MALRD1: variants seen among roughly 807,000 people sequenced by gnomAD.
The protein encoded by MALRD1 is MAM and LDL-receptor class A domain-containing protein 1.
In MALRD1, 247 loss-of-function variants were observed where a neutral mutation model predicts 242.1. The observed-to-expected ratio is 1.02, with a 90% confidence interval of 0.92 to 1.13. MALRD1 has a LOEUF of 1.13. MALRD1 is among the 50% of genes most tolerant of loss of function. The pLI, the probability that MALRD1 is intolerant of heterozygous loss-of-function variation, is 0.00. For synonymous variants in MALRD1, 995 were observed against 866.6 expected (o/e 1.15, Z -2.60); for missense variants, 2,989 against 2,533.1 (o/e 1.18, Z -3.86).
intron 21 of MALRD1, among the ~76,000 whole-genome samples, chr10:19,317,680 G>A (rs749425467): frequency 6.6e-6 from 1 of 151,918 alleles, no homozygotes; most frequent in Non-Finnish European, 1.5e-5. Context: ...TCAAGAATGG[G>A]TATTTTTTCC....
At chr10:19,096,825 T>C (rs896014460) in intron 4 of MALRD1, among the ~76,000 whole-genome samples, 8 of 152,296 alleles carry the variant, frequency 5.3e-5, no homozygotes, top group Non-Finnish European at 1.0e-4. Flanking sequence ...AAATAGGCGA[T>C]TTCGGTCCCA....
intron 29 of MALRD1, among the ~76,000 whole-genome samples, chr10:19,481,787 A>G (rs3852459): frequency 0.86 from 130,896 of 152,046 alleles, 56,503 homozygotes; most frequent in East Asian, 1. Flanking sequence ...ACCAGCTAGC[A>G]TGGTAGGTAA....
At chr10:19,101,647 C>T (rs1836261520) in intron 4 of MALRD1, among the ~76,000 whole-genome samples, 1 of 132,078 alleles carries the variant, frequency 7.6e-6, no homozygotes, top group Non-Finnish European at 1.5e-5. Flanking sequence ...ATATACAATA[C>T]ATATACTATA....
At chr10:19,373,269 A>AC (rs2130756425) in intron 26 of MALRD1, among the ~76,000 whole-genome samples, 1 of 48,408 alleles carries the variant, frequency 2.1e-5, no homozygotes, top group East Asian at 4.0e-4. Context: ...GCACTTTGGG[A>AC]GGGCGGACGG....
At chr10:19,156,944 C>G (rs149780969) in intron 12 of MALRD1, among the ~76,000 whole-genome samples, 2 of 152,062 alleles carry the variant, frequency 1.3e-5, no homozygotes, top group African/African-American at 4.8e-5. Flanking sequence ...ACCAAGGCTT[C>G]GATCTCTAAA....
At chr10:19,444,330 T>C (rs1403893195) in intron 28 of MALRD1, among the ~76,000 whole-genome samples, 3 of 152,196 alleles carry the variant, frequency 2.0e-5, no homozygotes, top group African/African-American at 4.8e-5. Context: ...TATTGTTATG[T>C]GTGAATTTGA....
intron 19 of MALRD1, among the ~76,000 whole-genome samples, chr10:19,270,807 AACACACAC>A (rs71387059): frequency 1.2e-3 from 169 of 145,136 alleles, no homozygotes; most frequent in African/African-American, 3.6e-3. Flanking sequence ...TTCAAAGGAT[AACACACAC>A]ACACACACAC....
intron 28 of MALRD1, among the ~76,000 whole-genome samples, chr10:19,410,552 T>C (rs1302138178): frequency 6.6e-6 from 1 of 152,172 alleles, no homozygotes; most frequent in Admixed American, 6.5e-5. Flanking sequence ...GTGTGAACAT[T>C]GTGCACTTCA....
chr10:19,729,497 A>G (rs1008152034), intron 38 of MALRD1, among the ~76,000 whole-genome samples: 2 of 150,928 alleles, frequency 1.3e-5, no homozygotes, highest in African/African-American at 4.9e-5. Context: ...TTGGTCTTCC[A>G]TTCTCCATTG....
chr10:19,101,699 A>T (rs1279711079), intron 4 of MALRD1, among the ~76,000 whole-genome samples: 4 of 135,670 alleles, frequency 2.9e-5, no homozygotes, highest in Non-Finnish European at 4.6e-5. Context: ...TTATACATAT[A>T]TGTATATATA....
intron 35 of MALRD1, among the ~76,000 whole-genome samples, chr10:19,614,046 A>T (rs1208000468): frequency 6.6e-6 from 1 of 151,696 alleles, no homozygotes; most frequent in Non-Finnish European, 1.5e-5. Context: ...TTTTTTTTTC[A>T]TCTGGAAGGA....
chr10:19,193,834 GAA>G (rs56944309), intron 14 of MALRD1, among the ~76,000 whole-genome samples: 49 of 134,904 alleles, frequency 3.6e-4, no homozygotes, highest in Middle Eastern at 3.9e-3. Flanking sequence ...TAGTCTGGGG[GAA>G]AAAAAATATA....
chr10:19,699,958 T>C (rs1833548886), intron 38 of MALRD1, among the ~76,000 whole-genome samples: 1 of 150,512 alleles, frequency 6.6e-6, no homozygotes, highest in African/African-American at 2.5e-5. Flanking sequence ...ACCAAACTAT[T>C]AATATATCAT....
Position 19,387,581 on chromosome 10 carries a change from G to T in MALRD1, c.4495G>T (p.Glu1499Ter), listed in dbSNP as rs1035086389. The change falls in exon 27 of 40, where the codon GAA (glutamate) becomes TAA (stop). Residue 1499 changes from glutamate to a stop codon, truncating the protein, a stop_gained. Coordinates refer to ENST00000454679, the MANE Select transcript of MALRD1 (RefSeq NM_001142308.3). LOFTEE classifies it high-confidence loss of function. ...TCATAATGGAAAATGCTATAGGCTG[G>T]AACAAAGCTGTAACTTCGTAGATAA... ...ECHNGKCYRL[E>*]QSCNFVDNCG... 5 of 1,550,396 alleles carry T rather than the reference G, an allele frequency of 3.2e-6. No homozygotes were observed. The Admixed American group carries it at 7.8e-5, about 24-fold the overall frequency.
In MALRD1 at chr10:19,563,404, C is replaced by T. The variant is rs544836856; in HGVS notation, c.5479-4098C>T. Among the ~76,000 whole-genome samples the T allele has an allele frequency of 2.8e-4, 43 of 152,268 alleles. No homozygotes were observed. In the South Asian group the frequency reaches 7.0e-3, roughly 25 times the overall value. On this transcript the variant is annotated intron_variant, in intron 32 of 39. Transcript: ENST00000454679. ...TCAAACTAACCCATAGGCAACTATG[C>T]ACTTCTAATGATTAAGCAGTAACTC...
At position 19,169,192 on chromosome 10, in the gene MALRD1, G is replaced by A. The variant is rs185046217; in HGVS notation, c.1830+3382G>A. On this transcript the variant is annotated intron_variant, in intron 13 of 39. Transcript: ENST00000454679. The stretch of plus-strand genomic sequence containing the variant: ...TGCCCCCAATCTCCCAGAGGGTGTC[G>A]TGTAATAAACACTCTCGGTGTTATG... Among the ~76,000 whole-genome samples the A allele has an allele frequency of 8.8e-4, 134 of 152,116 alleles. 1 individual carries two copies. The highest frequency in any genetic ancestry group is 3.0e-3 in the African/African-American group (124 of 41,504).
intron 21 of MALRD1, among the ~76,000 whole-genome samples, chr10:19,310,077 T>C (rs1031159858): frequency 1.3e-5 from 2 of 151,494 alleles, no homozygotes; most frequent in African/African-American, 4.8e-5. Flanking sequence ...CAATCTCTTG[T>C]CAGTGTCTCA....
chr10:19,701,772 C>G (rs1484371784), intron 38 of MALRD1, among the ~76,000 whole-genome samples: 1 of 127,924 alleles, frequency 7.8e-6, no homozygotes, highest in Non-Finnish European at 1.6e-5. Flanking sequence ...CCCTTCTCTT[C>G]TTCTCCCTCC....
chr10:19,434,492 A>G (rs1209133043), intron 28 of MALRD1, among the ~76,000 whole-genome samples: 1 of 152,000 alleles, frequency 6.6e-6, no homozygotes, highest in Non-Finnish European at 1.5e-5. Context: ...AACTTTAAAC[A>G]TTTCAAAATG....
Sources: allele counts gnomAD v4.1 joint callset (sites outside exome capture counted in the v4.1 genomes callset), GRCh38; gene constraint gnomAD v4.1.1; transcripts MANE v1.5; gene names NCBI Gene and HGNC (gene_info 2026-07-23, HGNC 2026-07-21).